The following CNIH3 variants were observed in gnomAD, a reference collection of about 807,000 sequenced individuals.
CNIH3 encodes the protein protein cornichon homolog 3.
In CNIH3, 14 loss-of-function variants were observed where a neutral mutation model predicts 24.1. That is an observed-to-expected ratio of 0.58 (90% confidence interval 0.38 to 0.91). CNIH3 has a LOEUF of 0.91. CNIH3 is among the 40% of genes least tolerant of loss of function. The pLI, the probability that CNIH3 is intolerant of heterozygous loss-of-function variation, is 0.00. For synonymous variants in CNIH3, 68 were observed against 73.8 expected (o/e 0.92, Z 0.40); for missense variants, 178 against 196.8 (o/e 0.90, Z 0.57).
chr1:224,580,380 T>A (rs1246709251), intron 4 of CNIH3, among the ~76,000 whole-genome samples: 1 of 152,222 alleles, frequency 6.6e-6, no homozygotes, highest in Non-Finnish European at 1.5e-5. Flanking sequence ...TTGCCAAGGT[T>A]GAAGACATGC....
At chr1:224,507,284 C>G (rs1677959551) in intron 1 of CNIH3, among the ~76,000 whole-genome samples, 1 of 152,190 alleles carries the variant, frequency 6.6e-6, no homozygotes, top group Non-Finnish European at 1.5e-5. Flanking sequence ...AAGACACAGA[C>G]TTGGAGCCAG....
At chr1:224,535,548 T>A (rs1679249360) in intron 2 of CNIH3, among the ~76,000 whole-genome samples, 1 of 152,218 alleles carries the variant, frequency 6.6e-6, no homozygotes. Context: ...CTGAATTGAC[T>A]TAGCAAATTA....
At chr1:224,627,159 A>G (rs1415172600) in intron 1 of CNIH3, among the ~76,000 whole-genome samples, 2 of 152,170 alleles carry the variant, frequency 1.3e-5, no homozygotes, top group Non-Finnish European at 2.9e-5. Context: ...TGACCATGAA[A>G]GCAGAAAAAA....
At chr1:224,519,413 A>C (rs1678532244) in intron 1 of CNIH3, among the ~76,000 whole-genome samples, 1 of 152,092 alleles carries the variant, frequency 6.6e-6, no homozygotes, top group Admixed American at 6.6e-5. Context: ...CTACACCACC[A>C]GCCTTCCTGA....
intron 1 of CNIH3, among the ~76,000 whole-genome samples, chr1:224,654,993 T>G (rs1685032724): frequency 1.3e-5 from 2 of 152,086 alleles, no homozygotes; most frequent in South Asian, 4.1e-4. Flanking sequence ...AGATCGCACA[T>G]GCAAAGGGGG....
chr1:224,621,016 G>T (rs1246801698), intron 1 of CNIH3, among the ~76,000 whole-genome samples: 1 of 152,218 alleles, frequency 6.6e-6, no homozygotes, highest in Non-Finnish European at 1.5e-5. Flanking sequence ...AAACACAGAT[G>T]AAGCTATTCT....
intron 1 of CNIH3, among the ~76,000 whole-genome samples, chr1:224,444,193 C>T (rs1420136144): frequency 6.6e-6 from 1 of 151,836 alleles, no homozygotes; most frequent in Non-Finnish European, 1.5e-5. Context: ...AAGATAAAAC[C>T]TCCTTTTGAA....
intron 3 of CNIH3, among the ~76,000 whole-genome samples, chr1:224,593,980 T>C (rs1373384152): frequency 6.6e-6 from 1 of 152,192 alleles, no homozygotes; most frequent in Non-Finnish European, 1.5e-5. Flanking sequence ...GCTAACCAGG[T>C]TACCAACAGC....
intron 1 of CNIH3, among the ~76,000 whole-genome samples, chr1:224,646,473 G>A (rs1440213975): frequency 1.3e-5 from 2 of 152,120 alleles, no homozygotes; most frequent in Non-Finnish European, 2.9e-5. Flanking sequence ...TGGCACAGTC[G>A]TGGCTCACTG....
At chr1:224,560,557 C>T (rs534793191) in intron 3 of CNIH3, among the ~76,000 whole-genome samples, 84 of 152,028 alleles carry the variant, frequency 5.5e-4, no homozygotes, top group Non-Finnish European at 1.0e-3. Flanking sequence ...CCTTTCAGAT[C>T]AGTGGTGGCA....
chr1:224,602,255 G>A (rs965406129), intron 3 of CNIH3, among the ~76,000 whole-genome samples: 5 of 151,704 alleles, frequency 3.3e-5, no homozygotes, highest in African/African-American at 4.9e-5. Context: ...TGCAATGTAT[G>A]CTTGCATGGA....
At chr1:224,474,957 A>C (rs1180909161) in intron 1 of CNIH3, among the ~76,000 whole-genome samples, 1 of 151,160 alleles carries the variant, frequency 6.6e-6, no homozygotes, top group Admixed American at 6.6e-5. Context: ...AGGCAGGAGA[A>C]TGGCGTGAAC....
chr1:224,649,617 C>T (rs1398168753), intron 1 of CNIH3, among the ~76,000 whole-genome samples: 1 of 152,186 alleles, frequency 6.6e-6, no homozygotes, highest in Non-Finnish European at 1.5e-5. Flanking sequence ...GTAGGGCTCT[C>T]TACAGTGGTT....
upstream of CNIH3, among the ~76,000 whole-genome samples, chr1:224,512,882 C>T (rs1678215291): frequency 6.6e-6 from 1 of 152,168 alleles, no homozygotes; most frequent in South Asian, 2.1e-4. Context: ...GAATGGAGTT[C>T]AGAGTCAAGC....
chr1:224,512,105 G>A (rs936025034), upstream of CNIH3, among the ~76,000 whole-genome samples: 4 of 151,592 alleles, frequency 2.6e-5, no homozygotes, highest in Non-Finnish European at 5.9e-5. Flanking sequence ...AACCCTGGAG[G>A]TGGAGGTTGC....
At chr1:224,660,251 A>G (rs1277751949) in intron 1 of CNIH3, among the ~76,000 whole-genome samples, 1 of 152,202 alleles carries the variant, frequency 6.6e-6, no homozygotes, top group African/African-American at 2.4e-5. Context: ...GTCACATCTT[A>G]CATAGATGAC....
At chr1:224,680,477 T>G (rs1161300214) in intron 1 of CNIH3, among the ~76,000 whole-genome samples, 1 of 152,188 alleles carries the variant, frequency 6.6e-6, no homozygotes, top group Non-Finnish European at 1.5e-5. Flanking sequence ...ATCTAGACAT[T>G]TGGTTATTTC....
intron 1 of CNIH3, among the ~76,000 whole-genome samples, chr1:224,676,604 G>A (rs1384754616): frequency 6.6e-6 from 1 of 152,248 alleles, no homozygotes; most frequent in Non-Finnish European, 1.5e-5. Context: ...CAGTTGCTGG[G>A]CTGAAGGGTG....
chr1:224,526,756 T>C (rs1375750711), intron 2 of CNIH3, among the ~76,000 whole-genome samples: 2 of 152,168 alleles, frequency 1.3e-5, no homozygotes, highest in Admixed American at 1.3e-4. Flanking sequence ...CAGGTTTAAC[T>C]GGCCCATGGT....
Sources: allele counts gnomAD v4.1 joint callset (sites outside exome capture counted in the v4.1 genomes callset), GRCh38; gene constraint gnomAD v4.1.1; transcripts MANE v1.5; gene names NCBI Gene and HGNC (gene_info 2026-07-23, HGNC 2026-07-21).